SMIM17: variants seen among roughly 807,000 people sequenced by gnomAD.
SMIM17 encodes the protein small integral membrane protein 17.
SMIM17 carries 10 observed loss-of-function variants against 12.2 expected under a neutral mutation model. That is an observed-to-expected ratio of 0.82 (90% CI 0.50 to 1.39). The LOEUF is 1.39. SMIM17 is among the 40% of genes most tolerant of loss of function. SMIM17 has a pLI of 0.00. For synonymous variants in SMIM17, 50 were observed against 44.1 expected (o/e 1.13, Z -0.53); for missense variants, 136 against 118.2 (o/e 1.15, Z -0.70).
chr19:56,647,431 G>C, intron 2 of SMIM17, 127 bp from the exon 3 acceptor site: 1 of 381,626 alleles, frequency 2.6e-6, no homozygotes, highest in African/African-American at 4.5e-5. Context: ...GAGAGAGAGA[G>C]AGAGAGAGAG....
In SMIM17 at chr19:56,647,638, C is replaced by T. The variant is rs1251728524; in HGVS notation, c.246+4C>T. The T allele has an allele frequency of 3.3e-6, 5 of 1,535,040 alleles. No individual in the cohort carries two copies. Among genetic ancestry groups the T allele is most frequent in the Non-Finnish European group, 4.4e-6 (5 of 1,146,052 alleles). ...TGACGAATCAGAGGGCTCCCAGGTA[C>T]ACTGGGGGGTTTGTTCTTTTTCCAC... is the stretch of plus-strand genomic sequence containing the variant. On this transcript the variant is annotated splice_donor_region_variant and intron_variant, in intron 3 of 3. Transcript: ENST00000598409.
intron 3 of SMIM17, among the ~76,000 whole-genome samples, chr19:56,651,159 C>T (rs1222528558): frequency 1.3e-5 from 2 of 152,188 alleles, no homozygotes; most frequent in African/African-American, 2.4e-5. Context: ...CTCTACTTAC[C>T]TTAATTTACT....
intron 3 of SMIM17, among the ~76,000 whole-genome samples, chr19:56,647,925 C>T (rs2045076756): frequency 6.6e-6 from 1 of 152,018 alleles, no homozygotes; most frequent in Admixed American, 6.5e-5. Flanking sequence ...CTTCCATCCA[C>T]CCTCTTACCT....
At position 56,652,671 on chromosome 19, in the gene SMIM17, A is replaced by AGAG. The variant is rs1555778635; in HGVS notation, c.247-2432_247-2431insGAG. On this transcript the variant is annotated intron_variant, in intron 3 of 3. Transcript: ENST00000598409. ...TCCTTCTCAAAAAAAAGAAAAAAAA[A>AGAG]AGAGAGAGAGAGAGAGAGTTATCCT... 8.2e-3 allele frequency among the ~76,000 whole-genome samples: 1,237 copies of AGAG among 150,368 alleles called. 19 individuals carry two copies. The highest frequency in any genetic ancestry group is 0.029 in the African/African-American group (1,166 of 40,762).
rs2045157419 is a variant in SMIM17 at position 56,657,108 on chromosome 19, T to C, written c.*1895T>C. 6.6e-6 allele frequency among the ~76,000 whole-genome samples: 1 copy of C among 152,360 alleles called. No individual in the cohort carries two copies. Among genetic ancestry groups the C allele is most frequent in the African/African-American group, 2.4e-5 (1 of 41,580 alleles). On this transcript the variant is annotated 3_prime_UTR_variant, in exon 4 of 4. Transcript: ENST00000598409. ...TAATAAATTTTTATAATCTTTGCTTTATGTACTCAACAGCTGTGTAATTCG... is the reference window on the plus strand; with the variant it reads ...TAATAAATTTTTATAATCTTTGCTTCATGTACTCAACAGCTGTGTAATTCG...
intron 3 of SMIM17, among the ~76,000 whole-genome samples, chr19:56,652,782 G>A (rs909557791): frequency 2.0e-5 from 3 of 152,054 alleles, no homozygotes; most frequent in African/African-American, 7.2e-5. Context: ...TAACCTCCTG[G>A]GTAATCCTCT....
chr19:56,652,740 T>C (rs143876101), intron 3 of SMIM17, among the ~76,000 whole-genome samples: 2 of 152,174 alleles, frequency 1.3e-5, no homozygotes, highest in East Asian at 1.9e-4. Context: ...ATATGAGTTA[T>C]TGTTGGCTGT....
intron 3 of SMIM17, among the ~76,000 whole-genome samples, chr19:56,649,565 A>C (rs570318011): frequency 1.3e-4 from 20 of 152,174 alleles, no homozygotes; most frequent in Admixed American, 1.3e-3. Flanking sequence ...CTTGTCTAGG[A>C]AAGTCCCCAC....
intron 2 of SMIM17, among the ~76,000 whole-genome samples, chr19:56,646,807 C>T (rs1280509187): frequency 3.9e-5 from 6 of 152,042 alleles, no homozygotes; most frequent in Non-Finnish European, 8.8e-5. Flanking sequence ...GGGTTTTGGC[C>T]CAAACAGATG....
At chr19:56,647,353 G>A (rs2045071175) in intron 2 of SMIM17, among the ~76,000 whole-genome samples, 1 of 148,906 alleles carries the variant, frequency 6.7e-6, no homozygotes, top group Admixed American at 6.6e-5. Context: ...ATAGGCATAT[G>A]TGTGTTTGTG....
In SMIM17 at chr19:56,652,439, G is replaced by C. The variant is rs181605079; in HGVS notation, c.247-2664G>C. Among the ~76,000 whole-genome samples the C allele has an allele frequency of 2.5e-3, 383 of 152,152 alleles. 1 individual carries two copies. Among genetic ancestry groups the C allele is most frequent in the African/African-American group, 8.9e-3 (369 of 41,506 alleles). The stretch of plus-strand genomic sequence containing the variant: ...GGAGGCCGAGGTGGGTGGATTACGG[G>C]GTCAGGAGTTCAAGACCAGCCTGGC... On this transcript the variant is annotated intron_variant, in intron 3 of 3. Transcript: ENST00000598409.
chr19:56,656,171 C>T lies in SMIM17; in HGVS notation c.*958C>T, dbSNP rs1325551032. On this transcript the variant is annotated 3_prime_UTR_variant, in exon 4 of 4. Coordinates refer to ENST00000598409, the MANE Select transcript of SMIM17 (RefSeq NM_001193628.2). ...GTGTTAGCCAGGATGGTCTCGATCT[C>T]CTGACCTCGTGATCCGCCCGCCTTG... 6.6e-6 allele frequency among the ~76,000 whole-genome samples: 1 copy of T among 151,980 alleles called. No individual in the cohort carries two copies. The highest frequency in any genetic ancestry group is 1.5e-5 in the Non-Finnish European group (1 of 67,988).
intron 3 of SMIM17, among the ~76,000 whole-genome samples, chr19:56,652,370 C>T (rs1226659745): frequency 6.6e-6 from 1 of 151,756 alleles, no homozygotes; most frequent in African/African-American, 2.4e-5. Context: ...TTGTCCTCCT[C>T]TGGGCTGGGC....
At chr19:56,646,153 T>C (rs954156437) in intron 2 of SMIM17, among the ~76,000 whole-genome samples, 34 of 152,250 alleles carry the variant, frequency 2.2e-4, no homozygotes, top group African/African-American at 8.2e-4. Flanking sequence ...TTTACCCCCA[T>C]GTCTGCTGGT....
chr19:56,656,858 C>T lies in SMIM17; in HGVS notation c.*1645C>T, dbSNP rs2045155333. Among the ~76,000 whole-genome samples, 1 of 152,136 alleles carries T rather than the reference C, an allele frequency of 6.6e-6. No individual in the cohort carries two copies. Among genetic ancestry groups the T allele is most frequent in the South Asian group, 2.1e-4 (1 of 4,830 alleles). ...TCTGCTTCCAAAACTTTTTAAAAAG[C>T]TTTTAGTGTGGCCTAGAACATGTCC... is the stretch of plus-strand genomic sequence containing the variant. On this transcript the variant is annotated 3_prime_UTR_variant, in exon 4 of 4. Coordinates refer to ENST00000598409, the MANE Select transcript of SMIM17 (RefSeq NM_001193628.2).
chr19:56,652,527 C>T (rs1239703144), intron 3 of SMIM17, among the ~76,000 whole-genome samples: 1 of 152,072 alleles, frequency 6.6e-6, no homozygotes, highest in Non-Finnish European at 1.5e-5. Context: ...GGGGCGGATG[C>T]CTGTAATCCC....
At chr19:56,645,530 C>G in intron 1 of SMIM17, 38 bp from the exon 2 acceptor site, 1 of 790,374 alleles carries the variant, frequency 1.3e-6, no homozygotes, top group Non-Finnish European at 1.9e-6. Context: ...CCTGCTGGCC[C>G]TCTGTAATGA....
chr19:56,651,402 G>T (rs905837455), intron 3 of SMIM17, among the ~76,000 whole-genome samples: 1 of 152,194 alleles, frequency 6.6e-6, no homozygotes, highest in Admixed American at 6.5e-5. Flanking sequence ...GTGGAGAGGA[G>T]TGAGTGAAGA....
Position 56,656,974 on chromosome 19 carries a change from G to A in SMIM17, c.*1761G>A, listed in dbSNP as rs770118131. ...CTTTATGTGCCTGTTAGTTAACTCA[G>A]TATCGTCAATTATATTGTTCAGATT... On this transcript the variant is annotated 3_prime_UTR_variant, in exon 4 of 4. Transcript: ENST00000598409. Among the ~76,000 whole-genome samples, 1 of 152,136 alleles carries A rather than the reference G, an allele frequency of 6.6e-6. No individual in the cohort carries two copies. The highest frequency in any genetic ancestry group is 1.5e-5 in the Non-Finnish European group (1 of 68,032).
Sources: allele counts gnomAD v4.1 joint callset (sites outside exome capture counted in the v4.1 genomes callset), GRCh38; gene constraint gnomAD v4.1.1; transcripts MANE v1.5; gene names NCBI Gene and HGNC (gene_info 2026-07-23, HGNC 2026-07-21).